Variants in CLVS1 observed in about 807,000 individuals in gnomAD.
The protein encoded by CLVS1 is clavesin-1.
CLVS1 carries 10 observed loss-of-function variants against 33.1 expected under a neutral mutation model. The observed-to-expected ratio is 0.30, with a 90% CI of 0.19 to 0.51. The LOEUF (loss-of-function observed/expected upper bound fraction) is 0.51, where lower values mean the gene tolerates loss of function less well. Among genes scored for constraint, CLVS1 ranks in the 20% least tolerant of loss-of-function variants. The pLI, the probability that CLVS1 is intolerant of heterozygous loss-of-function variation, is 0.97. For synonymous variants in CLVS1, 163 were observed against 166.1 expected, an observed-to-expected ratio of 0.98 and a Z score of 0.14; for missense variants, 343 against 433.4, an observed-to-expected ratio of 0.79 and a Z score of 1.85.
At chr8:61,188,821 A>G (rs1045086791) in intron 2 of CLVS1, among the ~76,000 whole-genome samples, 1 of 152,094 alleles carries the variant, frequency 6.6e-6, no homozygotes, top group Non-Finnish European at 1.5e-5. Flanking sequence ...ATGCTCTGTA[A>G]TTCTTTAGAA....
intron 1 of CLVS1, among the ~76,000 whole-genome samples, chr8:61,293,711 C>A (rs962648258): frequency 6.6e-6 from 1 of 152,000 alleles, no homozygotes; most frequent in African/African-American, 2.4e-5. Flanking sequence ...AGGTAAAGAG[C>A]TATAAGGGTT....
At chr8:61,219,062 A>G (rs1808153900) in intron 2 of CLVS1, among the ~76,000 whole-genome samples, 1 of 152,342 alleles carries the variant, frequency 6.6e-6, no homozygotes, top group Non-Finnish European at 1.5e-5. Flanking sequence ...AGAGGTGTTC[A>G]TAGGATCTCT....
chr8:61,284,210 T>G (rs995180525), upstream of CLVS1, among the ~76,000 whole-genome samples: 3 of 152,118 alleles, frequency 2.0e-5, no homozygotes, highest in Admixed American at 1.3e-4. Context: ...TACCACAGGA[T>G]GGAGAGGGCA....
intron 1 of CLVS1, among the ~76,000 whole-genome samples, chr8:61,127,037 A>G (rs1805987427): frequency 6.6e-6 from 1 of 152,220 alleles, no homozygotes; most frequent in Non-Finnish European, 1.5e-5. Flanking sequence ...GAAGGGGCAC[A>G]GTGACTTTCC....
chr8:61,269,753 C>T (rs932895307), intron 2 of CLVS1, among the ~76,000 whole-genome samples: 8 of 147,742 alleles, frequency 5.4e-5, no homozygotes, highest in African/African-American at 2.0e-4. Context: ...AGTTGGATTC[C>T]TAGGTATTTT....
intron 2 of CLVS1, among the ~76,000 whole-genome samples, chr8:61,169,109 G>A (rs2915585): frequency 1.3e-5 from 2 of 152,032 alleles, no homozygotes; most frequent in African/African-American, 2.4e-5. Context: ...TTGCCACTTA[G>A]CTTCTAACTC....
At chr8:61,456,147 T>C (rs1216164594) in intron 4 of CLVS1, among the ~76,000 whole-genome samples, 1 of 152,156 alleles carries the variant, frequency 6.6e-6, no homozygotes, top group Non-Finnish European at 1.5e-5. Flanking sequence ...GTGGGCATTT[T>C]TGGAGCTTTG....
intron 3 of CLVS1, among the ~76,000 whole-genome samples, chr8:61,380,796 C>A (rs1208380706): frequency 2.6e-5 from 4 of 152,128 alleles, no homozygotes; most frequent in African/African-American, 9.7e-5. Context: ...TGTGACATGT[C>A]CAAAATCAAT....
chr8:61,391,563 G>T (rs1400049236), intron 3 of CLVS1, among the ~76,000 whole-genome samples: 1 of 152,108 alleles, frequency 6.6e-6, no homozygotes, highest in Non-Finnish European at 1.5e-5. Context: ...TAATAGACTG[G>T]ATTTTAGTAA....
the CLVS1 span, among the ~76,000 whole-genome samples, chr8:61,013,878 T>C: frequency 6.6e-6 from 1 of 152,204 alleles, no homozygotes; most frequent in East Asian, 1.9e-4. Flanking sequence ...CCTGTTGTGC[T>C]GCACATCTGA....
chr8:61,273,469 G>T (rs1358798302), intron 2 of CLVS1, among the ~76,000 whole-genome samples: 1 of 150,102 alleles, frequency 6.7e-6, no homozygotes, highest in Admixed American at 6.6e-5. Context: ...GCCCCCAGAG[G>T]TGGAGCCTAC....
At chr8:61,352,943 A>G (rs980233406) in intron 2 of CLVS1, among the ~76,000 whole-genome samples, 1 of 152,066 alleles carries the variant, frequency 6.6e-6, no homozygotes, top group Non-Finnish European at 1.5e-5. Flanking sequence ...ACCATTTTGT[A>G]TACGAGACTT....
chr8:61,165,391 T>G (rs776967435), intron 2 of CLVS1, among the ~76,000 whole-genome samples: 1 of 152,246 alleles, frequency 6.6e-6, no homozygotes, highest in Non-Finnish European at 1.5e-5. Flanking sequence ...CAAAGGGGGT[T>G]GCCCTTGCCA....
intron 1 of CLVS1, among the ~76,000 whole-genome samples, chr8:61,111,497 A>T (rs1452929577): frequency 6.6e-6 from 1 of 152,232 alleles, no homozygotes; most frequent in Admixed American, 6.5e-5. Flanking sequence ...ATCAGCATCA[A>T]TTTGTGATTT....
intron 2 of CLVS1, among the ~76,000 whole-genome samples, chr8:61,138,984 C>G (rs1449270129): frequency 6.6e-6 from 1 of 152,284 alleles, no homozygotes; most frequent in Non-Finnish European, 1.5e-5. Flanking sequence ...ACAATGGCTT[C>G]TCCTTGCTCT....
At chr8:61,387,224 C>T (rs1030478366) in intron 3 of CLVS1, among the ~76,000 whole-genome samples, 5 of 152,000 alleles carry the variant, frequency 3.3e-5, no homozygotes, top group Non-Finnish European at 4.4e-5. Flanking sequence ...TCCATCTCTA[C>T]TAAAATACAA....
intron 3 of CLVS1, among the ~76,000 whole-genome samples, chr8:61,418,938 G>A (rs1373029388): frequency 3.9e-5 from 6 of 152,154 alleles, no homozygotes; most frequent in African/African-American, 4.8e-5. Context: ...GGGAAGAAGC[G>A]TGCCAGGAAC....
intron 2 of CLVS1, among the ~76,000 whole-genome samples, chr8:61,279,769 T>C (rs997747334): frequency 2.0e-5 from 3 of 152,228 alleles, no homozygotes; most frequent in Non-Finnish European, 2.9e-5. Flanking sequence ...CTATATAATA[T>C]GTTAAAATGA....
chr8:61,082,946 A>G (rs1805048599), intron 1 of CLVS1, among the ~76,000 whole-genome samples: 1 of 151,988 alleles, frequency 6.6e-6, no homozygotes, highest in Non-Finnish European at 1.5e-5. Flanking sequence ...GTGAGATGAG[A>G]TGCTTGAGCC....
Sources: allele counts gnomAD v4.1 joint callset (sites outside exome capture counted in the v4.1 genomes callset), GRCh38; gene constraint gnomAD v4.1.1; transcripts MANE v1.5; gene names NCBI Gene and HGNC (gene_info 2026-07-23, HGNC 2026-07-21).